Variants in CSMD1 observed in about 807,000 individuals in gnomAD.
CSMD1 encodes the protein CUB and sushi domain-containing protein 1.
Under a neutral mutation model 417.5 loss-of-function variants are expected in CSMD1, and 213 were observed. That is an observed-to-expected ratio of 0.51 (90% CI 0.46 to 0.57). CSMD1 has a LOEUF of 0.57. Among genes scored for constraint, CSMD1 ranks in the 20% least tolerant of loss-of-function variants. The pLI is 0.00. For missense variants in CSMD1, 6,923 were observed against 4,529.7 expected (o/e 1.53, Z -15.17); for synonymous variants, 2,862 against 1,736.8 (o/e 1.65, Z -16.11).
intron 5 of CSMD1, among the ~76,000 whole-genome samples, chr8:3,764,321 G>C (rs1432734420): frequency 6.6e-6 from 1 of 152,146 alleles, no homozygotes; most frequent in Non-Finnish European, 1.5e-5. Flanking sequence ...AAACTCTCCT[G>C]AGTGTACTTG....
chr8:3,795,065 T>A (rs77794050), intron 5 of CSMD1, among the ~76,000 whole-genome samples: 1 of 79,456 alleles, frequency 1.3e-5, no homozygotes, highest in Non-Finnish European at 2.5e-5. Context: ...GCTATAGATA[T>A]ATATCTATCA....
Position 4,047,052 on chromosome 8 carries a change from T to G in CSMD1, c.416-14953A>C, listed in dbSNP as rs114907870. On this transcript the variant is annotated intron_variant, in intron 3 of 69. Transcript: ENST00000635120. ...ATAGAGGGAACACCTGGAGTCCAAA[T>G]GAATACAGAATTAAATGTGGTCTTT... 2.9e-3 allele frequency among the ~76,000 whole-genome samples: 438 copies of G among 152,242 alleles called. 2 individuals are homozygous for G. The highest frequency in any genetic ancestry group is 0.01 in the African/African-American group (421 of 41,550).
chr8:3,517,028 G>A lies in CSMD1; in HGVS notation c.1345-23302C>T, dbSNP rs151113587. On this transcript the variant is annotated intron_variant, in intron 10 of 69. Coordinates refer to ENST00000635120, the MANE Select transcript of CSMD1 (RefSeq NM_033225.6). ...GTTAGGTGTCATGGTGAGCAAAGGAGCTGGTGTGGTGTCAGATCAAGGGGA... is the reference window on the plus strand; with the variant it reads ...GTTAGGTGTCATGGTGAGCAAAGGAACTGGTGTGGTGTCAGATCAAGGGGA... Among the ~76,000 whole-genome samples the A allele has an allele frequency of 2.0e-5, 3 of 152,308 alleles. No individual in the cohort carries two copies. In the East Asian group the frequency reaches 5.8e-4, roughly 30 times the overall value.
chr8:4,300,426 G>A (rs982983007), intron 3 of CSMD1, among the ~76,000 whole-genome samples: 48 of 152,164 alleles, frequency 3.2e-4, no homozygotes, highest in African/African-American at 1.1e-3. Context: ...ATGATGCCAG[G>A]CATTCAGTCC....
At chr8:4,400,628 T>G (rs1380118129) in intron 3 of CSMD1, among the ~76,000 whole-genome samples, 1 of 152,236 alleles carries the variant, frequency 6.6e-6, no homozygotes, top group Non-Finnish European at 1.5e-5. Context: ...CAGACTGACC[T>G]GCAATCTTGA....
rs1563117549 is a variant in CSMD1 at position 3,181,130 on chromosome 8, C to G, written c.5705G>C (p.Gly1902Ala). 1.2e-6 allele frequency: 2 copies of G among 1,613,514 alleles called. No individual in the cohort carries two copies. The highest frequency in any genetic ancestry group is 1.7e-6 in the Non-Finnish European group (2 of 1,179,616). ...FQSDISVAAA[G>A]FHLEYKTVGL... ...CTTACTTTTGTATTCCAGGTGGAAA[C>G]CAGCAGCTGCCACACTAATGTCAGA... is the stretch of plus-strand genomic sequence containing the variant. The change falls in exon 37 of 70, where the codon GGT becomes GCT. Residue 1902 changes from glycine to alanine, a missense_variant. Physicochemically the swap from Gly to Ala is moderately conservative, Grantham distance 60 (BLOSUM62 0). Coordinates refer to ENST00000635120, the MANE Select transcript of CSMD1 (RefSeq NM_033225.6).
intron 3 of CSMD1, among the ~76,000 whole-genome samples, chr8:4,070,944 G>A (rs995696228): frequency 6.6e-6 from 1 of 152,194 alleles, no homozygotes; most frequent in African/African-American, 2.4e-5. Flanking sequence ...CCTCCATGGT[G>A]TTTGATGTAA....
chr8:3,108,987 G>T (rs554858051), intron 43 of CSMD1, among the ~76,000 whole-genome samples: 1 of 152,166 alleles, frequency 6.6e-6, no homozygotes, highest in Non-Finnish European at 1.5e-5. Flanking sequence ...AACACTCACC[G>T]GTGCTGGTGG....
At chr8:3,577,114 C>T (rs890618656) in intron 9 of CSMD1, among the ~76,000 whole-genome samples, 1 of 152,154 alleles carries the variant, frequency 6.6e-6, no homozygotes, top group Non-Finnish European at 1.5e-5. Context: ...CCAGATGTTC[C>T]CAGCCGGAAA....
At chr8:3,951,933 T>A (rs1345159498) in intron 5 of CSMD1, among the ~76,000 whole-genome samples, 1 of 150,930 alleles carries the variant, frequency 6.6e-6, no homozygotes, top group Non-Finnish European at 1.5e-5. Flanking sequence ...GAAAAAAAAA[T>A]AGATATCGAA....
intron 6 of CSMD1, among the ~76,000 whole-genome samples, chr8:3,749,632 A>G (rs1584941632): frequency 6.6e-6 from 1 of 152,200 alleles, no homozygotes; most frequent in East Asian, 1.9e-4. Context: ...AAGTTACACA[A>G]TTCTGTCCAA....
chr8:4,561,967 C>A (rs1330770497), intron 2 of CSMD1, among the ~76,000 whole-genome samples: 1 of 152,094 alleles, frequency 6.6e-6, no homozygotes, highest in East Asian at 1.9e-4. Context: ...CAACGCCCAT[C>A]CGGTAAACGA....
chr8:3,388,680 T>G (rs1368348114), intron 17 of CSMD1, among the ~76,000 whole-genome samples: 1 of 152,220 alleles, frequency 6.6e-6, no homozygotes, highest in African/African-American at 2.4e-5. Flanking sequence ...TAAACTGTTT[T>G]TCTAACAAAT....
chr8:4,022,957 T>A lies in CSMD1; in HGVS notation c.610+8948A>T, dbSNP rs532265564. The stretch of plus-strand genomic sequence containing the variant: ...AGAGAAAAATAAGGATAATTCAAAA[T>A]TTGAGGGCAAATAAATAGCAGTATG... On this transcript the variant is annotated intron_variant, in intron 4 of 69. Transcript: ENST00000635120. Among the ~76,000 whole-genome samples the A allele has an allele frequency of 3.3e-5, 5 of 152,188 alleles. No homozygotes were observed. The East Asian group carries it at 9.6e-4, about 29-fold the overall frequency.
At chr8:3,490,746 G>A (rs1009462669) in intron 11 of CSMD1, among the ~76,000 whole-genome samples, 1 of 152,126 alleles carries the variant, frequency 6.6e-6, no homozygotes, top group Admixed American at 6.6e-5. Flanking sequence ...CCACTGTAGT[G>A]CTGTTCCCAA....
chr8:2,986,604 A>C (rs1297567578), intron 54 of CSMD1, among the ~76,000 whole-genome samples: 1 of 152,086 alleles, frequency 6.6e-6, no homozygotes, highest in Non-Finnish European at 1.5e-5. Flanking sequence ...TCCCGGGTTC[A>C]CACCATTCTC....
intron 3 of CSMD1, among the ~76,000 whole-genome samples, chr8:4,252,664 C>T (rs1016676060): frequency 6.6e-6 from 1 of 152,160 alleles, no homozygotes; most frequent in African/African-American, 2.4e-5. Context: ...ATGGAACAGG[C>T]TTTTATGTGG....
intron 3 of CSMD1, among the ~76,000 whole-genome samples, chr8:4,249,770 T>C (rs1247700833): frequency 6.6e-6 from 1 of 151,894 alleles, no homozygotes; most frequent in African/African-American, 2.4e-5. Context: ...GGGGAATTAA[T>C]GGGGCACTTG....
At chr8:4,761,920 T>TATCTATCA in intron 1 of CSMD1, among the ~76,000 whole-genome samples, 1 of 143,290 alleles carries the variant, frequency 7.0e-6, no homozygotes, top group South Asian at 2.2e-4. Flanking sequence ...TCAATCTATC[T>TATCTATCA]ATCTATCTAT....
Sources: gnomAD v4.1 joint callset for allele counts (sites outside exome capture counted in the v4.1 genomes callset) on GRCh38, gnomAD v4.1.1 for gene constraint, MANE v1.5 for transcripts, NCBI Gene and HGNC (gene_info 2026-07-23, HGNC 2026-07-21) for gene names.